The following PIWIL2 variants were observed in gnomAD, a reference collection of about 807,000 sequenced individuals.
PIWIL2 encodes the protein piwi-like protein 2.
A neutral mutation model predicts 116.5 loss-of-function variants in PIWIL2; 81 were observed. That is an observed-to-expected ratio of 0.70 (90% CI 0.58 to 0.84). The LOEUF (loss-of-function observed/expected upper bound fraction) is 0.84, where lower values mean the gene tolerates loss of function less well. PIWIL2 is among the 40% of genes least tolerant of loss of function. The probability of loss-of-function intolerance (pLI) is 0.00; values close to 1 mark genes in which losing one functional copy is unlikely to be tolerated. For missense variants in PIWIL2, 1,272 were observed against 1,212.3 expected (o/e 1.05, Z -0.73); for synonymous variants, 489 against 429.5 (o/e 1.14, Z -1.71).
chr8:22,352,997 T>G lies in PIWIL2; in HGVS notation c.2442T>G (p.Arg814=), dbSNP rs1832407499. 6.2e-7 allele frequency: 1 copy of G among 1,614,106 alleles called. No individual in the cohort carries two copies. Among genetic ancestry groups the G allele is most frequent in the East Asian group, 2.2e-5 (1 of 44,884 alleles). The part of the protein sequence containing the change: ...HCLPEKIVVY[R]DGVSDGQLKT... ...TACCAGAGAAGATTGTGGTGTACCGTGATGGAGTGTCTGATGGCCAACTGA... is the reference window on the plus strand; with the variant it reads ...TACCAGAGAAGATTGTGGTGTACCGGGATGGAGTGTCTGATGGCCAACTGA... The change falls in exon 21 of 23, where the codon CGT becomes CGG. Residue 814 remains arginine, a synonymous_variant. Transcript: ENST00000356766.
chr8:22,320,361 G>A (rs573661764), intron 20 of PIWIL2, among the ~76,000 whole-genome samples: 7 of 142,694 alleles, frequency 4.9e-5, no homozygotes, highest in East Asian at 4.5e-4. Context: ...TCTGCTTCCC[G>A]GATTCAAGCA....
chr8:22,309,361 G>C (rs1238804621), intron 14 of PIWIL2, among the ~76,000 whole-genome samples: 1 of 151,794 alleles, frequency 6.6e-6, no homozygotes, highest in Non-Finnish European at 1.5e-5. Context: ...GTTTTTTTGA[G>C]ACAGAGTCTT....
chr8:22,328,382 T>A (rs1831776125), intron 20 of PIWIL2, among the ~76,000 whole-genome samples: 1 of 152,182 alleles, frequency 6.6e-6, no homozygotes, highest in African/African-American at 2.4e-5. Flanking sequence ...CCAACTTTAT[T>A]TTTCTTTTTC....
chr8:22,302,998 C>T (rs896903400), intron 10 of PIWIL2, among the ~76,000 whole-genome samples: 2 of 152,236 alleles, frequency 1.3e-5, no homozygotes, highest in Non-Finnish European at 2.9e-5. Context: ...GTTCCCATCC[C>T]TACCCCTAGA....
intron 20 of PIWIL2, among the ~76,000 whole-genome samples, chr8:22,322,314 A>G (rs548264734): frequency 5.3e-5 from 8 of 151,164 alleles, no homozygotes; most frequent in African/African-American, 1.7e-4. Flanking sequence ...GTAGAGTCAC[A>G]GTCTCGGTTC....
intron 10 of PIWIL2, among the ~76,000 whole-genome samples, chr8:22,303,430 C>T (rs1317795249): frequency 6.6e-6 from 1 of 152,144 alleles, no homozygotes; most frequent in East Asian, 1.9e-4. Context: ...CTTACTTTGT[C>T]ACCCAGGATG....
chr8:22,286,304 A>T (rs969602202), intron 6 of PIWIL2, among the ~76,000 whole-genome samples: 7 of 152,244 alleles, frequency 4.6e-5, no homozygotes, highest in African/African-American at 1.4e-4. Flanking sequence ...CACTCATTTA[A>T]AAAGTTTATA....
chr8:22,290,408 G>A (rs975798009), intron 10 of PIWIL2, 62 bp downstream of exon 10: 8 of 898,446 alleles, frequency 8.9e-6, no homozygotes, highest in African/African-American at 4.9e-5. Context: ...TTCAGTAACA[G>A]CTGGTAATAA....
chr8:22,283,653 C>T (rs1016855597), intron 5 of PIWIL2, among the ~76,000 whole-genome samples: 14 of 152,316 alleles, frequency 9.2e-5, no homozygotes, highest in African/African-American at 2.6e-4. Context: ...TCGTGATCCA[C>T]CCGCCTCGGC....
In PIWIL2 at chr8:22,352,451, T is replaced by C. The variant is rs562125477; in HGVS notation, c.2404-508T>C. Among the ~76,000 whole-genome samples, 45 of 152,340 alleles carry C rather than the reference T, an allele frequency of 3.0e-4. No individual in the cohort carries two copies. In the South Asian group the frequency reaches 8.3e-3, roughly 28 times the overall value. ...CTGTATGTTTTACACCATACCAGACTGTAGGGTAATATTTAGTAAAGGGAC... is the reference window on the plus strand; with the variant it reads ...CTGTATGTTTTACACCATACCAGACCGTAGGGTAATATTTAGTAAAGGGAC... On this transcript the variant is annotated intron_variant, in intron 20 of 22. Coordinates refer to ENST00000356766, the MANE Select transcript of PIWIL2 (RefSeq NM_018068.5).
At chr8:22,293,564 A>T (rs1366850721) in intron 10 of PIWIL2, among the ~76,000 whole-genome samples, 1 of 152,162 alleles carries the variant, frequency 6.6e-6, no homozygotes. Flanking sequence ...CCGTCAGGTA[A>T]TCCGCCTGCC....
chr8:22,316,014 GC>G (rs1400596093), intron 18 of PIWIL2, among the ~76,000 whole-genome samples: 3 of 152,160 alleles, frequency 2.0e-5, no homozygotes, highest in African/African-American at 7.2e-5. Context: ...GACTCACAAA[GC>G]CTAAGTTATT....
chr8:22,280,692 A>G (rs1293731441), intron 2 of PIWIL2, among the ~76,000 whole-genome samples: 1 of 152,192 alleles, frequency 6.6e-6, no homozygotes, highest in East Asian at 1.9e-4. Flanking sequence ...CTCATAAATG[A>G]TCCAGCTTTT....
chr8:22,311,145 A>G lies in PIWIL2; in HGVS notation c.1834A>G (p.Lys612Glu). 2.5e-6 allele frequency: 4 copies of G among 1,613,340 alleles called. No homozygotes were observed. Among genetic ancestry groups the G allele is most frequent in the Non-Finnish European group, 3.4e-6 (4 of 1,179,814 alleles). ...GCATTTCTGGGCACTTTTTTACCCA[A>G]AGAGAGCAATGGACCAGGCTCGAGA... is the stretch of plus-strand genomic sequence containing the variant. ...PMHFWALFYP[K>E]RAMDQARELV... Residue 612 changes from lysine (K) to glutamate (E), a missense_variant, in exon 16 of 23, where the codon AAG becomes GAG. Physicochemically the swap from Lys to Glu is moderately conservative, Grantham distance 56. Coordinates refer to ENST00000356766, the MANE Select transcript of PIWIL2 (RefSeq NM_018068.5).
chr8:22,284,007 T>C (rs1453916728), intron 5 of PIWIL2, among the ~76,000 whole-genome samples, 155 bp from the exon 6 acceptor site: 3 of 151,220 alleles, frequency 2.0e-5, no homozygotes, highest in African/African-American at 7.3e-5. Flanking sequence ...CAGAGCTTGC[T>C]TCTGTAAGTG....
chr8:22,318,276 G>A lies in PIWIL2; in HGVS notation c.2403+1G>A. On this transcript the variant is annotated splice_donor_variant, in intron 20 of 22. Transcript: ENST00000356766. LOFTEE classifies it high-confidence loss of function. ...GGGCTCCTTAAAAAAGTTTTATGAGGTGAGGAGAACAGAAATTCTCAGGCT... is the reference window on the plus strand; with the variant it reads ...GGGCTCCTTAAAAAAGTTTTATGAGATGAGGAGAACAGAAATTCTCAGGCT... 6.6e-7 allele frequency: 1 copy of A among 1,524,610 alleles called. No individual in the cohort carries two copies. Among genetic ancestry groups the A allele is most frequent in the East Asian group, 2.3e-5 (1 of 44,430 alleles). 94.4% of individuals were successfully genotyped at this position (1,524,610 alleles called of 1,614,324 possible).
chr8:22,311,101 G>C lies in PIWIL2; in HGVS notation c.1801-11G>C. The C allele has an allele frequency of 6.3e-7, 1 of 1,594,870 alleles. No homozygotes were observed. The highest frequency in any genetic ancestry group is 1.8e-5 in the Admixed American group (1 of 56,026). On this transcript the variant is annotated splice_polypyrimidine_tract_variant and intron_variant, in intron 15 of 22. Coordinates refer to ENST00000356766, the MANE Select transcript of PIWIL2 (RefSeq NM_018068.5). ...TTGTGAGAAATACTAAAAGCTCTTG[G>C]TTGTTCCTAGATCCCCATGCATTTC...
At chr8:22,318,093 G>T in intron 19 of PIWIL2, 77 bp from the exon 20 acceptor site, 1 of 845,802 alleles carries the variant, frequency 1.2e-6, no homozygotes, top group Non-Finnish European at 2.0e-6. Context: ...CTGTGTTACT[G>T]ACATAAGCCA....
intron 6 of PIWIL2, 69 bp downstream of exon 6, chr8:22,284,341 A>G (rs1030525425): frequency 7.8e-6 from 6 of 768,930 alleles, no homozygotes; most frequent in African/African-American, 1.7e-5. Flanking sequence ...CCCCTGGAAT[A>G]ACTGAATATT....
Sources: gnomAD v4.1 joint callset for allele counts (sites outside exome capture counted in the v4.1 genomes callset) on GRCh38, gnomAD v4.1.1 for gene constraint, MANE v1.5 for transcripts, NCBI Gene and HGNC (gene_info 2026-07-23, HGNC 2026-07-21) for gene names.